Variants in FAF1 observed in about 807,000 individuals in gnomAD.
The protein encoded by FAF1 is FAS-associated factor 1.
FAF1 carries 25 observed loss-of-function variants against 92.5 expected under a neutral mutation model. The ratio of observed to expected loss-of-function variants is 0.27; its 90% CI spans 0.20 to 0.38. FAF1 has a LOEUF of 0.38. Among genes scored for constraint, FAF1 ranks in the 10% least tolerant of loss-of-function variants. The probability of loss-of-function intolerance (pLI) is 1.00; values close to 1 mark genes in which losing one functional copy is unlikely to be tolerated. For missense variants in FAF1, 636 were observed against 793.3 expected (o/e 0.80, Z 2.38); for synonymous variants, 234 against 273.2 (o/e 0.86, Z 1.42).
chr1:50,657,512 C>T (rs751308591), intron 7 of FAF1, among the ~76,000 whole-genome samples: 12 of 151,670 alleles, frequency 7.9e-5, no homozygotes, highest in Non-Finnish European at 1.0e-4. Flanking sequence ...CAATGAGCCA[C>T]GACTGTGCCA....
rs189191668 is a variant in FAF1 at position 50,746,592 on chromosome 1, G to A, written c.368-1817C>T. The stretch of plus-strand genomic sequence containing the variant: ...GCTGGGATTACAGGCATGAGCCACC[G>A]AGCCCGGCCAATGAATTTATATTTT... On this transcript the variant is annotated intron_variant, in intron 4 of 18. Coordinates refer to ENST00000396153, the MANE Select transcript of FAF1 (RefSeq NM_007051.3). Among the ~76,000 whole-genome samples the A allele has an allele frequency of 5.3e-5, 8 of 151,770 alleles. No homozygotes were observed. The South Asian group carries it at 6.3e-4, about 12-fold the overall frequency.
chr1:50,778,175 A>G (rs140844812), intron 4 of FAF1, among the ~76,000 whole-genome samples: 4 of 152,358 alleles, frequency 2.6e-5, no homozygotes, highest in East Asian at 1.9e-4. Context: ...ACAGTATACA[A>G]TGTATGATTT....
intron 2 of FAF1, among the ~76,000 whole-genome samples, chr1:50,835,240 A>G (rs1222050985): frequency 6.6e-6 from 1 of 152,216 alleles, no homozygotes; most frequent in African/African-American, 2.4e-5. Context: ...AAGCTTAACT[A>G]AAGGAAATAA....
chr1:50,467,152 C>T (rs999959625), intron 18 of FAF1, among the ~76,000 whole-genome samples: 2 of 151,812 alleles, frequency 1.3e-5, no homozygotes, highest in African/African-American at 4.8e-5. Context: ...GAGTGGCTGG[C>T]AAAATAAAAC....
rs182224958 is a variant in FAF1 at position 50,958,934 on chromosome 1, C to T, written c.45+833G>A. Among the ~76,000 whole-genome samples the T allele has an allele frequency of 2.0e-4, 31 of 152,326 alleles. No individual in the cohort carries two copies. The South Asian group carries it at 4.8e-3, about 23-fold the overall frequency. ...CAAACATCAAAAGGCAAAGGTAGCA[C>T]TCACAGGATATTAGTTCTAGCTCCA... On this transcript the variant is annotated intron_variant, in intron 1 of 18. Coordinates refer to ENST00000396153, the MANE Select transcript of FAF1 (RefSeq NM_007051.3).
intron 8 of FAF1, among the ~76,000 whole-genome samples, chr1:50,601,575 G>A (rs377430543): frequency 1.3e-5 from 2 of 151,980 alleles, no homozygotes; most frequent in African/African-American, 4.8e-5. Flanking sequence ...TCAGGCACTC[G>A]GGAGGCTGAG....
At chr1:50,891,983 C>G (rs924535808) in intron 1 of FAF1, among the ~76,000 whole-genome samples, 5 of 152,218 alleles carry the variant, frequency 3.3e-5, no homozygotes, top group Non-Finnish European at 7.3e-5. Flanking sequence ...AGGCAGGCCT[C>G]CTTGAGCTGC....
chr1:50,544,688 C>G (rs1296644925), intron 13 of FAF1, among the ~76,000 whole-genome samples: 5 of 152,088 alleles, frequency 3.3e-5, no homozygotes, highest in Admixed American at 1.3e-4. Context: ...GAAAAAAATA[C>G]TAATAAATAT....
intron 1 of FAF1, among the ~76,000 whole-genome samples, chr1:50,894,345 C>T (rs1050135988): frequency 6.1e-5 from 9 of 147,162 alleles, no homozygotes; most frequent in Non-Finnish European, 1.3e-4. Flanking sequence ...AAGGGCTCTT[C>T]AGTCAACTTG....
At chr1:50,822,157 AG>A (rs1301558070) in intron 2 of FAF1, among the ~76,000 whole-genome samples, 2 of 151,872 alleles carry the variant, frequency 1.3e-5, no homozygotes, top group Non-Finnish European at 2.9e-5. Context: ...GGAGAAAAAA[AG>A]AAACCAGAAT....
chr1:50,867,465 T>A (rs903517093), intron 1 of FAF1, among the ~76,000 whole-genome samples: 1 of 151,724 alleles, frequency 6.6e-6, no homozygotes, highest in Non-Finnish European at 1.5e-5. Flanking sequence ...CTGGAATCTA[T>A]AAGGAACTCA....
chr1:50,926,612 G>A (rs1049517862), intron 1 of FAF1, among the ~76,000 whole-genome samples: 1 of 152,024 alleles, frequency 6.6e-6, no homozygotes, highest in African/African-American at 2.4e-5. Context: ...AGTTTAAGGT[G>A]AAGGATATGC....
At chr1:50,888,746 T>C (rs1020275505) in intron 1 of FAF1, among the ~76,000 whole-genome samples, 7 of 152,220 alleles carry the variant, frequency 4.6e-5, no homozygotes, top group Non-Finnish European at 1.0e-4. Context: ...CTTTTTGATA[T>C]GCTGCTGGAT....
intron 17 of FAF1, among the ~76,000 whole-genome samples, chr1:50,477,656 G>C (rs1399406385): frequency 6.6e-6 from 1 of 152,102 alleles, no homozygotes; most frequent in East Asian, 1.9e-4. Flanking sequence ...ATTAACATCT[G>C]TGTATATCAA....
intron 2 of FAF1, among the ~76,000 whole-genome samples, chr1:50,851,399 C>G (rs1644348009): frequency 6.6e-6 from 1 of 152,082 alleles, no homozygotes; most frequent in Admixed American, 6.6e-5. Flanking sequence ...TTTAAATATC[C>G]AAGTCGTTAA....
chr1:50,804,741 A>G (rs554051800), intron 2 of FAF1, among the ~76,000 whole-genome samples: 177 of 152,336 alleles, frequency 1.2e-3, no homozygotes, highest in South Asian at 2.9e-3. Flanking sequence ...CTCCATAAGA[A>G]TATTGATTTC....
At chr1:50,614,594 C>G (rs1173105051) in intron 8 of FAF1, among the ~76,000 whole-genome samples, 1 of 152,072 alleles carries the variant, frequency 6.6e-6, no homozygotes, top group African/African-American at 2.4e-5. Flanking sequence ...AATCCCAGCA[C>G]TTTGGGAGGC....
chr1:50,621,785 T>C (rs1653223757), intron 8 of FAF1, among the ~76,000 whole-genome samples: 1 of 152,110 alleles, frequency 6.6e-6, no homozygotes, highest in Non-Finnish European at 1.5e-5. Context: ...TGGGTGTCTA[T>C]GGCTAATCTC....
chr1:50,868,531 T>C (rs564045464), intron 1 of FAF1, among the ~76,000 whole-genome samples: 1 of 152,154 alleles, frequency 6.6e-6, no homozygotes, highest in Non-Finnish European at 1.5e-5. Flanking sequence ...CCTTCTAATG[T>C]AAGCATTTAT....
Sources: allele counts gnomAD v4.1 joint callset (sites outside exome capture counted in the v4.1 genomes callset), GRCh38; gene constraint gnomAD v4.1.1; transcripts MANE v1.5; gene names NCBI Gene and HGNC (gene_info 2026-07-23, HGNC 2026-07-21).